The following SGCG variants were observed in gnomAD, a reference collection of about 807,000 sequenced individuals.
The protein encoded by SGCG is gamma-sarcoglycan.
Under a neutral mutation model 29.3 loss-of-function variants are expected in SGCG, and 26 were observed. The ratio of observed to expected loss-of-function variants is 0.89; its 90% CI spans 0.65 to 1.23. SGCG has a LOEUF of 1.23. SGCG is among the 50% of genes most tolerant of loss of function. SGCG has a pLI of 0.00. For synonymous variants in SGCG, 145 were observed against 129.7 expected, an observed-to-expected ratio of 1.12 and a Z score of -0.80; for missense variants, 353 against 356.0, an observed-to-expected ratio of 0.99 and a Z score of 0.07.
chr13:23,306,188 A>C (rs549842838), intron 6 of SGCG, among the ~76,000 whole-genome samples: 1 of 152,210 alleles, frequency 6.6e-6, no homozygotes, highest in East Asian at 1.9e-4. Context: ...AAGTTTAAGT[A>C]ACCCTGTTAC....
chr13:23,181,878 G>A (rs377608250), intron 1 of SGCG, among the ~76,000 whole-genome samples: 10 of 152,302 alleles, frequency 6.6e-5, no homozygotes, highest in South Asian at 2.1e-4. Context: ...GTACAAAAAC[G>A]AACTACGGAA....
chr13:23,289,217 G>A (rs1159395315), intron 5 of SGCG, among the ~76,000 whole-genome samples: 8 of 152,174 alleles, frequency 5.3e-5, no homozygotes, highest in Non-Finnish European at 8.8e-5. Flanking sequence ...AGCGATCAAC[G>A]CCGTGCTGCA....
At chr13:23,232,567 G>A (rs897635356) in intron 2 of SGCG, among the ~76,000 whole-genome samples, 13 of 152,150 alleles carry the variant, frequency 8.5e-5, no homozygotes, top group Admixed American at 2.6e-4. Flanking sequence ...CGGATCATGA[G>A]GTCAGGAGAT....
At chr13:23,169,383 G>GA in the SGCG span, among the ~76,000 whole-genome samples, 277 of 138,542 alleles carry the variant, frequency 2.0e-3, 1 homozygote, top group African/African-American at 4.3e-3. Context: ...TCACCCTGTG[G>GA]AAAAAAAAAA....
chr13:23,253,982 G>A (rs1414041755), intron 4 of SGCG, among the ~76,000 whole-genome samples: 1 of 152,204 alleles, frequency 6.6e-6, no homozygotes, highest in East Asian at 1.9e-4. Context: ...TGTACAGCCT[G>A]CAGAATTGTG....
the SGCG span, among the ~76,000 whole-genome samples, chr13:23,166,840 A>G: frequency 6.6e-6 from 1 of 152,232 alleles, no homozygotes; most frequent in East Asian, 1.9e-4. Flanking sequence ...TGATACAGGC[A>G]TGCCATGTGA....
intron 1 of SGCG, among the ~76,000 whole-genome samples, chr13:23,192,191 A>T (rs948604113): frequency 6.7e-5 from 10 of 149,826 alleles, no homozygotes; most frequent in Admixed American, 1.3e-4. Context: ...AAAAAAAAAA[A>T]TGAAGGAAGT....
intron 6 of SGCG, among the ~76,000 whole-genome samples, chr13:23,299,875 G>A (rs1306512203): frequency 3.3e-5 from 5 of 152,150 alleles, no homozygotes; most frequent in African/African-American, 1.2e-4. Flanking sequence ...GTCAGCAAAA[G>A]TGTATTAAAG....
At chr13:23,307,065 T>C (rs181443360) in intron 6 of SGCG, among the ~76,000 whole-genome samples, 1 of 152,376 alleles carries the variant, frequency 6.6e-6, no homozygotes, top group Non-Finnish European at 1.5e-5. Flanking sequence ...TAAGATTTAG[T>C]ATTTTTTCTT....
At chr13:23,255,115 GC>G (rs1880129543) in intron 4 of SGCG, among the ~76,000 whole-genome samples, 6 of 152,192 alleles carry the variant, frequency 3.9e-5, no homozygotes, top group Admixed American at 3.9e-4. Flanking sequence ...GGGAGCCACT[GC>G]CCTCCAGACC....
At chr13:23,312,499 A>G (rs1258262002) in intron 6 of SGCG, among the ~76,000 whole-genome samples, 2 of 152,378 alleles carry the variant, frequency 1.3e-5, no homozygotes, top group African/African-American at 4.8e-5. Flanking sequence ...CTGTACTTCT[A>G]TAAGATACCT....
intron 5 of SGCG, among the ~76,000 whole-genome samples, chr13:23,281,592 A>G (rs1326668812): frequency 1.3e-5 from 2 of 152,146 alleles, no homozygotes; most frequent in African/African-American, 4.8e-5. Context: ...AGCAGTCCCC[A>G]ACCATTTTGG....
chr13:23,162,308 T>A, the SGCG span, among the ~76,000 whole-genome samples: 2 of 152,206 alleles, frequency 1.3e-5, no homozygotes, highest in East Asian at 3.8e-4. Context: ...TCTCACTTGA[T>A]GTTTACTGCT....
intron 2 of SGCG, among the ~76,000 whole-genome samples, chr13:23,210,104 G>A (rs1399649034): frequency 6.6e-6 from 1 of 152,096 alleles, no homozygotes; most frequent in Non-Finnish European, 1.5e-5. Context: ...TAAATAACTA[G>A]GGAAGCAGCA....
the SGCG span, among the ~76,000 whole-genome samples, chr13:23,175,063 G>T: frequency 2.6e-5 from 4 of 152,188 alleles, no homozygotes; most frequent in Non-Finnish European, 5.9e-5. Flanking sequence ...AAATAAATAT[G>T]TAAGTAGACT....
At chr13:23,187,569 T>A (rs934283180) in intron 1 of SGCG, among the ~76,000 whole-genome samples, 1 of 152,158 alleles carries the variant, frequency 6.6e-6, no homozygotes, top group Admixed American at 6.5e-5. Context: ...GCCTACCAAA[T>A]GTGGCCCGTT....
intron 3 of SGCG, among the ~76,000 whole-genome samples, chr13:23,240,366 A>G (rs1489435088): frequency 6.6e-6 from 1 of 152,222 alleles, no homozygotes. Flanking sequence ...AAATATTCAC[A>G]TTTAGACTCA....
chr13:23,324,898 T>C lies in SGCG; in HGVS notation c.*357T>C. The C allele has an allele frequency of 2.8e-6, 1 of 360,350 alleles. No homozygotes were observed. Among genetic ancestry groups the C allele is most frequent in the Non-Finnish European group, 5.4e-6 (1 of 184,072 alleles). 22.3% of individuals were successfully genotyped at this position (360,350 alleles called of 1,614,324 possible). On this transcript the variant is annotated 3_prime_UTR_variant, in exon 8 of 8. Coordinates refer to ENST00000218867, the MANE Select transcript of SGCG (RefSeq NM_000231.3). ...GTGGAGTTAATGTATGACGCTCCACTGTGGATATCTAATGCCCTGTTGAGA... is the reference window on the plus strand; with the variant it reads ...GTGGAGTTAATGTATGACGCTCCACCGTGGATATCTAATGCCCTGTTGAGA...
intron 5 of SGCG, among the ~76,000 whole-genome samples, chr13:23,283,230 T>C (rs9578569): frequency 0.43 from 65,845 of 151,930 alleles, 15,110 homozygotes; most frequent in Middle Eastern, 0.65. Context: ...TAAAGTCTCC[T>C]ACTATTATTG....
Sources: allele counts gnomAD v4.1 joint callset (sites outside exome capture counted in the v4.1 genomes callset), GRCh38; gene constraint gnomAD v4.1.1; transcripts MANE v1.5; gene names NCBI Gene and HGNC (gene_info 2026-07-23, HGNC 2026-07-21).